The following ADCK1 variants were observed in gnomAD, a reference collection of about 807,000 sequenced individuals.
The protein encoded by ADCK1 is aarF domain-containing protein kinase 1.
In ADCK1, 41 loss-of-function variants were observed where a neutral mutation model predicts 52.3. The observed-to-expected ratio is 0.78, with a 90% CI of 0.61 to 1.02. ADCK1 has a LOEUF of 1.02. ADCK1 is among the 50% of genes least tolerant of loss of function. ADCK1 has a pLI of 0.00. For synonymous variants in ADCK1, 250 were observed against 274.6 expected (o/e 0.91, Z 0.89); for missense variants, 658 against 679.5 (o/e 0.97, Z 0.35).
intron 3 of ADCK1, among the ~76,000 whole-genome samples, chr14:77,839,238 C>T (rs770851023): frequency 2.8e-4 from 43 of 152,208 alleles, no homozygotes; most frequent in African/African-American, 8.9e-4. Flanking sequence ...TGAAGGGCTG[C>T]GGGGAGACTG....
intron 6 of ADCK1, among the ~76,000 whole-genome samples, chr14:77,904,260 T>C (rs558737219): frequency 1.3e-5 from 2 of 152,200 alleles, no homozygotes; most frequent in Non-Finnish European, 2.9e-5. Context: ...CTGCTCATAG[T>C]AGTGGGAAAT....
At position 77,829,219 on chromosome 14, in the gene ADCK1, G is replaced by A. The variant is rs552586003; in HGVS notation, c.219+6701G>A. ...CCATTGCTTCTAGGCCCTTCTAGGA[G>A]ACAGAGTGAGGATATATATGTGTGT... On this transcript the variant is annotated intron_variant, in intron 3 of 10. Transcript: ENST00000238561. 4.2e-4 allele frequency among the ~76,000 whole-genome samples: 64 copies of A among 151,168 alleles called. 1 individual carries two copies. Among genetic ancestry groups the A allele is most frequent in the Admixed American group, 7.2e-4 (11 of 15,186 alleles).
At chr14:77,875,944 T>C (rs1271065675) in intron 4 of ADCK1, among the ~76,000 whole-genome samples, 1 of 152,192 alleles carries the variant, frequency 6.6e-6, no homozygotes, top group Non-Finnish European at 1.5e-5. Context: ...TCCCCAGCTT[T>C]CCAGCCCCAC....
chr14:77,816,309 C>T (rs1052279720), intron 1 of ADCK1, among the ~76,000 whole-genome samples: 12 of 152,110 alleles, frequency 7.9e-5, no homozygotes, highest in Non-Finnish European at 1.3e-4. Context: ...GCCCTTGTTA[C>T]GGTTTTTTTT....
chr14:77,858,717 C>A (rs2082477161), intron 3 of ADCK1, among the ~76,000 whole-genome samples: 1 of 152,146 alleles, frequency 6.6e-6, no homozygotes, highest in Non-Finnish European at 1.5e-5. Flanking sequence ...GTGGCAAATA[C>A]TTTAACTCTG....
chr14:77,869,941 T>C (rs1936470929), intron 4 of ADCK1, among the ~76,000 whole-genome samples: 2 of 152,218 alleles, frequency 1.3e-5, no homozygotes, highest in Admixed American at 6.5e-5. Flanking sequence ...CCGGGTTAAA[T>C]AGTGTCCACT....
intron 5 of ADCK1, among the ~76,000 whole-genome samples, chr14:77,896,281 G>C (rs1566712556): frequency 2.0e-5 from 3 of 152,178 alleles, no homozygotes; most frequent in African/African-American, 7.2e-5. Context: ...AGGAATTACT[G>C]TTTGGCCAGA....
At chr14:77,879,015 T>C (rs1296863352) in intron 4 of ADCK1, among the ~76,000 whole-genome samples, 1 of 152,080 alleles carries the variant, frequency 6.6e-6, no homozygotes, top group African/African-American at 2.4e-5. Flanking sequence ...TTAATCATTA[T>C]TATCACAACA....
At chr14:77,926,684 T>C (rs183960262) in intron 9 of ADCK1, among the ~76,000 whole-genome samples, 13 of 152,358 alleles carry the variant, frequency 8.5e-5, no homozygotes, top group Non-Finnish European at 1.5e-4. Context: ...TTTTGCCATG[T>C]TGGCCAGGCT....
intron 10 of ADCK1, among the ~76,000 whole-genome samples, chr14:77,932,392 G>A (rs746784781): frequency 3.3e-5 from 5 of 152,160 alleles, no homozygotes; most frequent in Non-Finnish European, 5.9e-5. Flanking sequence ...CATTAATGAG[G>A]AAGAGAAGTG....
At chr14:77,932,223 A>G (rs2084358759) in intron 10 of ADCK1, among the ~76,000 whole-genome samples, 1 of 151,884 alleles carries the variant, frequency 6.6e-6, no homozygotes, top group Non-Finnish European at 1.5e-5. Flanking sequence ...TAATTTTTAT[A>G]TTTTTAGTAG....
intron 7 of ADCK1, among the ~76,000 whole-genome samples, chr14:77,918,305 C>T (rs554394458): frequency 3.3e-5 from 5 of 152,302 alleles, no homozygotes; most frequent in Non-Finnish European, 5.9e-5. Context: ...CAGTTCATAT[C>T]GTATTTTCAC....
rs1336098901 is a variant in ADCK1 at position 77,923,445 on chromosome 14, TC to T, written c.859-1011del. 6.6e-6 allele frequency: 1 copy of T among 152,204 alleles called. No homozygotes were observed. Among genetic ancestry groups the T allele is most frequent in the African/African-American group, 2.4e-5 (1 of 41,416 alleles). 9.4% of individuals were successfully genotyped at this position (152,204 alleles called of 1,614,324 possible). ...AGACCAGGCAGGAGGCAGGGCCTGG[TC>T]AGGTAGGACTTTGTAGGCTGGGGGA... On this transcript the variant is annotated intron_variant, in intron 7 of 10. Transcript: ENST00000238561. The surrounding 1 kb of genome is among the most constrained non-coding windows in gnomAD (Gnocchi z 4.3).
At chr14:77,881,248 G>T (rs1353725493) in intron 4 of ADCK1, among the ~76,000 whole-genome samples, 1 of 152,210 alleles carries the variant, frequency 6.6e-6, no homozygotes, top group African/African-American at 2.4e-5. Flanking sequence ...TTCCAAGACG[G>T]CTCACTGTTG....
Position 77,924,537 on chromosome 14 carries a change from T to C in ADCK1, c.939T>C (p.Asn313=), listed in dbSNP as rs2302944. The change falls in exon 8 of 11, where the codon AAT becomes AAC. Residue 313 remains asparagine, a synonymous_variant. Transcript: ENST00000238561. ...TGCACTGCGATCCCCACCCCGGCAA[T>C]GTACTGGTGCGGAAGCACCCCGGCA... ...GFVHCDPHPG[N]VLVRKHPGTG... The C allele has an allele frequency of 0.22, 354,218 of 1,613,854 alleles. 39,887 individuals carry two copies. The highest frequency in any genetic ancestry group is 0.32 in the South Asian group (29,111 of 91,078).
intron 1 of ADCK1, among the ~76,000 whole-genome samples, chr14:77,805,576 T>C (rs575790326): frequency 6.6e-6 from 1 of 152,262 alleles, no homozygotes; most frequent in African/African-American, 2.4e-5. Context: ...ATTACTCTTA[T>C]ATGGCTCTTT....
chr14:77,810,018 A>G (rs2081305961), intron 1 of ADCK1, among the ~76,000 whole-genome samples: 1 of 135,112 alleles, frequency 7.4e-6, no homozygotes, highest in African/African-American at 2.7e-5. Flanking sequence ...AGCCTGGGTG[A>G]CAGAGTGAGA....
At chr14:77,844,065 T>C (rs2082126829) in intron 3 of ADCK1, among the ~76,000 whole-genome samples, 1 of 152,004 alleles carries the variant, frequency 6.6e-6, no homozygotes, top group Admixed American at 6.6e-5. Flanking sequence ...TCATAATTTC[T>C]TTTTTTCTTT....
chr14:77,837,620 T>C (rs921500427), intron 3 of ADCK1, among the ~76,000 whole-genome samples: 5 of 152,134 alleles, frequency 3.3e-5, no homozygotes, highest in Admixed American at 2.6e-4. Context: ...ACCACTCTAC[T>C]CCCCGGCTCA....
Sources: gnomAD v4.1 joint callset for allele counts (sites outside exome capture counted in the v4.1 genomes callset) on GRCh38, gnomAD v4.1.1 for gene constraint, Gnocchi (gnomAD v3.1) non-coding constraint, MANE v1.5 for transcripts, NCBI Gene and HGNC (gene_info 2026-07-23, HGNC 2026-07-21) for gene names.